DDX6: variants seen among roughly 807,000 people sequenced by gnomAD.
DDX6 encodes the protein DEAD-box helicase 6.
DDX6 carries 7 observed loss-of-function variants against 60.6 expected under a neutral mutation model. That is an observed-to-expected ratio of 0.12 (90% CI 0.07 to 0.22). The LOEUF is 0.22. DDX6 is among the 10% of genes least tolerant of loss of function. The probability of loss-of-function intolerance (pLI) is 1.00; values close to 1 mark genes in which losing one functional copy is unlikely to be tolerated. For missense variants in DDX6, 270 were observed against 589.9 expected (o/e 0.46, Z 5.62); for synonymous variants, 207 against 201.0 (o/e 1.03, Z -0.25).
At chr11:118,753,336 CTTTTTT>C (rs34191912) in intron 13 of DDX6, among the ~76,000 whole-genome samples, 11 of 67,416 alleles carry the variant, frequency 1.6e-4, no homozygotes, top group Admixed American at 9.6e-4. Context: ...GCCCAAGTGG[CTTTTTT>C]TTTTTTTTTT....
At chr11:118,790,566 A>G (rs1330719118) in intron 1 of DDX6, among the ~76,000 whole-genome samples, 1 of 151,998 alleles carries the variant, frequency 6.6e-6, no homozygotes, top group East Asian at 1.9e-4. Flanking sequence ...CGTACCCTAT[A>G]ACCTCCACCA....
intron 4 of DDX6, among the ~76,000 whole-genome samples, chr11:118,769,255 G>C (rs181591636): frequency 4.9e-4 from 75 of 152,182 alleles, no homozygotes; most frequent in African/African-American, 1.8e-3. Flanking sequence ...AACAAAACAC[G>C]AATAGGCTGG....
rs141662971 is a variant in DDX6 at position 118,750,133 on chromosome 11, T to C, written c.*1972A>G. On this transcript the variant is annotated 3_prime_UTR_variant, in exon 14 of 14. Transcript: ENST00000534980. ...AGTATATGCGGGACTTATTTTGTAA[T>C]ATTTTAGGGTTTTGAAAAATAAAAT... 1.4e-5 allele frequency: 2 copies of C among 145,128 alleles called. No individual in the cohort carries two copies. Among genetic ancestry groups the C allele is most frequent in the East Asian group, 4.1e-4 (2 of 4,848 alleles). 9.0% of individuals were successfully genotyped at this position (145,128 alleles called of 1,614,324 possible). A position where few individuals can be genotyped will look rare whatever the true frequency, so the allele number is the denominator to read the frequency against.
intron 2 of DDX6, 77 bp downstream of exon 2, chr11:118,785,975 T>C: frequency 2.1e-6 from 3 of 1,398,404 alleles, no homozygotes; most frequent in Non-Finnish European, 3.0e-6. Context: ...AAGGCATAAG[T>C]ATTAATAGTC....
chr11:118,760,056 A>G lies in DDX6; in HGVS notation c.742-12T>C, dbSNP rs1861111346. On this transcript the variant is annotated splice_polypyrimidine_tract_variant and intron_variant, in intron 7 of 13. Transcript: ENST00000534980. Reference sequence around the variant, plus strand: ...AGCAACTTATCTGCCTGCAGTAGAAAGAAAAGACAATTTTAAAAACAATAA... The same window carrying G: ...AGCAACTTATCTGCCTGCAGTAGAAGGAAAAGACAATTTTAAAAACAATAA... 1.9e-6 allele frequency: 3 copies of G among 1,608,238 alleles called. No individual in the cohort carries two copies. The highest frequency in any genetic ancestry group is 2.5e-6 in the Non-Finnish European group (3 of 1,178,456).
chr11:118,759,113 G>A (rs543376542), intron 8 of DDX6: 12 of 515,748 alleles, frequency 2.3e-5, no homozygotes, highest in South Asian at 1.1e-4. Flanking sequence ...AGGCTGGAGT[G>A]TAGTGGCACG....
chr11:118,751,063 AT>A lies in DDX6; in HGVS notation c.*1041del, dbSNP rs1213861282. 2 of 125,032 alleles carry A rather than the reference AT, an allele frequency of 1.6e-5. No individual in the cohort carries two copies. Among genetic ancestry groups the A allele is most frequent in the South Asian group, 2.7e-4 (1 of 3,690 alleles). 7.7% of individuals were successfully genotyped at this position (125,032 alleles called of 1,614,324 possible). On this transcript the variant is annotated 3_prime_UTR_variant, in exon 14 of 14. Coordinates refer to ENST00000534980, the MANE Select transcript of DDX6 (RefSeq NM_004397.6). ...CCTTCATCCAAAAAAAAATATATAT[AT>A]ATGTATATATATATATATATATGAA...
chr11:118,784,057 C>T (rs1487669626), intron 2 of DDX6, among the ~76,000 whole-genome samples: 1 of 134,698 alleles, frequency 7.4e-6, no homozygotes, highest in Non-Finnish European at 1.5e-5. Flanking sequence ...CACCATACTC[C>T]AGCCTAGGCA....
intron 4 of DDX6, among the ~76,000 whole-genome samples, chr11:118,773,963 T>C (rs1861618764): frequency 6.6e-6 from 1 of 152,198 alleles, no homozygotes. Flanking sequence ...AAGAATGACT[T>C]ATTTACAGGA....
intron 4 of DDX6, among the ~76,000 whole-genome samples, chr11:118,779,226 A>T (rs1861805822): frequency 6.6e-6 from 1 of 152,058 alleles, no homozygotes; most frequent in Non-Finnish European, 1.5e-5. Context: ...CTGATGTCAT[A>T]AAAAGAAGAA....
intron 6 of DDX6, among the ~76,000 whole-genome samples, chr11:118,763,959 T>G (rs1333092198): frequency 6.6e-6 from 1 of 152,100 alleles, no homozygotes; most frequent in African/African-American, 2.4e-5. Context: ...ACAGGATGCT[T>G]AAAAAATATT....
rs376083867 is a variant in DDX6 at position 118,759,955 on chromosome 11, G to T, written c.831C>A (p.Ser277=). Reference sequence around the variant, plus strand: ...TCTGTACACTAAGAGGGAAAGTAGCGGAATATAGTAAAATCTGCCTGTTTT... The same window carrying T: ...TCTGTACACTAAGAGGGAAAGTAGCTGAATATAGTAAAATCTGCCTGTTTT... The part of the protein sequence containing the change: ...LPKNRQILLY[S]ATFPLSVQKF... Residue 277 remains serine, a synonymous_variant, in exon 8 of 14, where the codon TCC becomes TCA. Coordinates refer to ENST00000534980, the MANE Select transcript of DDX6 (RefSeq NM_004397.6). 1 of 1,613,636 alleles carries T rather than the reference G, an allele frequency of 6.2e-7. No individual in the cohort carries two copies. The highest frequency in any genetic ancestry group is 1.3e-5 in the African/African-American group (1 of 75,026).
chr11:118,769,014 A>G (rs1258168894), intron 4 of DDX6, among the ~76,000 whole-genome samples: 2 of 149,678 alleles, frequency 1.3e-5, no homozygotes, highest in African/African-American at 2.5e-5. Flanking sequence ...AAAAAAGGCT[A>G]GATACAGTGG....
At chr11:118,755,565 AAC>A in intron 11 of DDX6, 62 bp from the exon 12 acceptor site, 1 of 894,694 alleles carries the variant, frequency 1.1e-6, no homozygotes, top group Non-Finnish European at 1.8e-6. Flanking sequence ...GTACAATACT[AAC>A]ACATATTTCT....
chr11:118,772,948 A>C lies in DDX6; in HGVS notation c.370-4596T>G, dbSNP rs528004716. Among the ~76,000 whole-genome samples the C allele has an allele frequency of 3.3e-5, 5 of 152,326 alleles. No individual in the cohort carries two copies. In the South Asian group the frequency reaches 1.0e-3, roughly 32 times the overall value. ...GCCAGCGGAATGTTGCCTCCTAAGA[A>C]TCTAAATTGTTATAGTGCATCCATT... is the stretch of plus-strand genomic sequence containing the variant. On this transcript the variant is annotated intron_variant, in intron 4 of 13. Transcript: ENST00000534980.
Position 118,786,420 on chromosome 11 carries a change from G to C in DDX6, c.-169C>G. On this transcript the variant is annotated 5_prime_UTR_variant, in exon 2 of 14. Transcript: ENST00000534980. Reference sequence around the variant, plus strand: ...GCAAGCACCTGTAAGTCTCTGAACGGTAAGCAGCAGTAACTTGCTCTCTTG... The same window carrying C: ...GCAAGCACCTGTAAGTCTCTGAACGCTAAGCAGCAGTAACTTGCTCTCTTG... 1 of 477,032 alleles carries C rather than the reference G, an allele frequency of 2.1e-6. No homozygotes were observed. The highest frequency in any genetic ancestry group is 3.6e-6 in the Non-Finnish European group (1 of 277,428). 29.5% of individuals were successfully genotyped at this position (477,032 alleles called of 1,614,324 possible).
chr11:118,768,803 G>A (rs1861437160), intron 4 of DDX6, among the ~76,000 whole-genome samples: 1 of 151,922 alleles, frequency 6.6e-6, no homozygotes. Context: ...GAGCCCAGGA[G>A]TTCAACACCA....
At position 118,751,915 on chromosome 11, in the gene DDX6, CA is replaced by C; in HGVS notation, c.*189del. The C allele has an allele frequency of 4.7e-6, 2 of 429,902 alleles. No individual in the cohort carries two copies. Among genetic ancestry groups the C allele is most frequent in the South Asian group, 1.7e-5 (1 of 58,642 alleles). The allele number at this position is 429,902 out of a possible 1,614,324, so 26.6% of individuals were successfully genotyped here. ...CAGCACACAGTGCAAACAAGTGGAA[CA>C]AAAAAGGTATATTCCTTCTTTTCAG... On this transcript the variant is annotated 3_prime_UTR_variant, in exon 14 of 14. Coordinates refer to ENST00000534980, the MANE Select transcript of DDX6 (RefSeq NM_004397.6).
rs1468156205 is a variant in DDX6 at position 118,747,833 on chromosome 11, TTATAA to T, written c.*4267_*4271del. The T allele has an allele frequency of 5.3e-5, 8 of 151,664 alleles. No homozygotes were observed. The East Asian group carries it at 1.4e-3, about 26-fold the overall frequency. The allele number at this position is 151,664 out of a possible 1,614,324, so 9.4% of individuals were successfully genotyped here. A position where few individuals can be genotyped will look rare whatever the true frequency, so the allele number is the denominator to read the frequency against. ...AAGATTTTACCATATTTTTGGAACC[TTATAA>T]ACTCAGCAGACTCCGGTCCATATAT... is the stretch of plus-strand genomic sequence containing the variant. On this transcript the variant is annotated 3_prime_UTR_variant, in exon 14 of 14. Coordinates refer to ENST00000534980, the MANE Select transcript of DDX6 (RefSeq NM_004397.6).
Sources: allele counts gnomAD v4.1 joint callset (sites outside exome capture counted in the v4.1 genomes callset), GRCh38; gene constraint gnomAD v4.1.1; transcripts MANE v1.5; gene names NCBI Gene and HGNC (gene_info 2026-07-23, HGNC 2026-07-21).